Variants in SLC25A13 observed in about 807,000 individuals in gnomAD.
SLC25A13 encodes the protein solute carrier family 25 member 13.
Under a neutral mutation model 85.5 loss-of-function variants are expected in SLC25A13, and 70 were observed. The observed-to-expected ratio is 0.82, with a 90% CI of 0.68 to 1.00. The LOEUF (loss-of-function observed/expected upper bound fraction) is 1.00, where lower values mean the gene tolerates loss of function less well. Among genes scored for constraint, SLC25A13 ranks in the 50% least tolerant of loss-of-function variants. The pLI is 0.00. For synonymous variants in SLC25A13, 259 were observed against 288.7 expected (o/e 0.90, Z 1.04); for missense variants, 765 against 819.8 (o/e 0.93, Z 0.82).
At chr7:96,240,643 C>A (rs958593479) in intron 3 of SLC25A13, among the ~76,000 whole-genome samples, 2 of 151,184 alleles carry the variant, frequency 1.3e-5, no homozygotes, top group African/African-American at 4.9e-5. Context: ...CTTTGGGAGG[C>A]CAAGGCAGAA....
intron 3 of SLC25A13, among the ~76,000 whole-genome samples, chr7:96,274,036 A>T (rs936350314): frequency 1.6e-4 from 25 of 152,204 alleles, no homozygotes; most frequent in Admixed American, 1.6e-3. Context: ...GTTAGGGTAG[A>T]AAACAAAGGT....
intron 1 of SLC25A13, among the ~76,000 whole-genome samples, chr7:96,306,468 C>G (rs1159109843): frequency 2.6e-5 from 4 of 152,258 alleles, no homozygotes; most frequent in African/African-American, 7.2e-5. Context: ...TGTGGCCAGA[C>G]TTCTGACCTC....
intron 3 of SLC25A13, among the ~76,000 whole-genome samples, chr7:96,235,246 A>C (rs552224071): frequency 6.6e-6 from 1 of 152,342 alleles, no homozygotes; most frequent in East Asian, 1.9e-4. Context: ...CAGATACTTT[A>C]GACTAAGATG....
rs1794001446 is a variant in SLC25A13, at chr7:96,171,525, C to A, written c.1178-1G>T. The A allele has an allele frequency of 6.2e-7, 1 of 1,611,626 alleles. No homozygotes were observed. The highest frequency in any genetic ancestry group is 8.5e-7 in the Non-Finnish European group (1 of 1,177,934). Reference sequence around the variant, plus strand: ...ACTCCCAATAACTGTGGCAACAGACCTAAAAATCAACAAAAAGTAGAAGTA... The same window carrying A: ...ACTCCCAATAACTGTGGCAACAGACATAAAAATCAACAAAAAGTAGAAGTA... On this transcript the variant is annotated splice_acceptor_variant, in intron 11 of 17. Transcript: ENST00000265631. LOFTEE classifies it high-confidence loss of function.
chr7:96,170,839 C>T (rs1433129215), intron 12 of SLC25A13, among the ~76,000 whole-genome samples: 1 of 152,254 alleles, frequency 6.6e-6, no homozygotes, highest in South Asian at 2.1e-4. Flanking sequence ...CTTAGTGATG[C>T]AAATATTTGT....
At chr7:96,257,090 C>T (rs1797666278) in intron 3 of SLC25A13, among the ~76,000 whole-genome samples, 1 of 152,150 alleles carries the variant, frequency 6.6e-6, no homozygotes, top group African/African-American at 2.4e-5. Context: ...ATTTATAGCA[C>T]TAAATGCCCA....
Position 96,131,860 on chromosome 7 carries a change from G to A in SLC25A13, c.1474C>T (p.Arg492Trp), listed in dbSNP as rs763272772. Reference protein sequence around the residue: ...IYKGAKACFLRDIPFSAIYFP... With the variant: ...IYKGAKACFLWDIPFSAIYFP... ...TAGATGGCCGAGAAAGGAATGTCCC[G>A]CAGAAAGCATGCTTTGGCACCCTGC... The change falls in exon 15 of 18, where the codon CGG becomes TGG. Residue 492 changes from arginine (R) to tryptophan (W), a missense_variant. Physicochemically the swap from Arg to Trp is moderately radical, Grantham distance 101. Transcript: ENST00000265631. 8.7e-6 allele frequency: 14 copies of A among 1,613,768 alleles called. No homozygotes were observed. Among genetic ancestry groups the A allele is most frequent in the Middle Eastern group, 3.3e-4 (2 of 6,084 alleles).
chr7:96,320,539 G>A (rs899321438), intron 1 of SLC25A13, among the ~76,000 whole-genome samples: 2 of 152,148 alleles, frequency 1.3e-5, no homozygotes, highest in African/African-American at 2.4e-5. Flanking sequence ...AAGGTCAAGG[G>A]CTATTGGGCT....
intron 5 of SLC25A13, among the ~76,000 whole-genome samples, chr7:96,201,996 A>G (rs1795275239): frequency 6.6e-6 from 1 of 152,154 alleles, no homozygotes; most frequent in Admixed American, 6.5e-5. Flanking sequence ...AGACTTCTAG[A>G]GTTCTACTCT....
intron 13 of SLC25A13, among the ~76,000 whole-genome samples, chr7:96,159,519 C>G (rs2116533250): frequency 6.6e-6 from 1 of 152,244 alleles, no homozygotes; most frequent in South Asian, 2.1e-4. Context: ...AGAAGAGAGG[C>G]CTCAGAAGAA....
Position 96,120,676 on chromosome 7 carries a change from A to C in SLC25A13, c.*515T>G, listed in dbSNP as rs1421687555. On this transcript the variant is annotated 3_prime_UTR_variant, in exon 18 of 18. Coordinates refer to ENST00000265631, the MANE Select transcript of SLC25A13 (RefSeq NM_014251.3). ...TTTCACATAAAAGCTTCATAATATA[A>C]TCCAGAGACAGAATTTGTGCATGCT... 2.2e-6 allele frequency: 1 copy of C among 454,548 alleles called. No homozygotes were observed. Among genetic ancestry groups the C allele is most frequent in the South Asian group, 1.6e-5 (1 of 64,446 alleles). 28.2% of individuals were successfully genotyped at this position (454,548 alleles called of 1,614,324 possible).
At chr7:96,182,924 T>G (rs1240010389) in intron 11 of SLC25A13, among the ~76,000 whole-genome samples, 2 of 152,194 alleles carry the variant, frequency 1.3e-5, no homozygotes, top group Admixed American at 1.3e-4. Context: ...GAGATTTCCC[T>G]TCCAAAAACC....
At chr7:96,308,630 T>C (rs1799845542) in intron 1 of SLC25A13, among the ~76,000 whole-genome samples, 1 of 152,208 alleles carries the variant, frequency 6.6e-6, no homozygotes. Flanking sequence ...GGTGGTTTCT[T>C]ATGTAATGTT....
chr7:96,300,449 G>C (rs1799507822), intron 1 of SLC25A13, among the ~76,000 whole-genome samples: 1 of 152,184 alleles, frequency 6.6e-6, no homozygotes. Flanking sequence ...GGGCCACACA[G>C]TTAAAGTGCT....
chr7:96,157,975 G>A (rs1793353633), intron 13 of SLC25A13, among the ~76,000 whole-genome samples: 1 of 152,102 alleles, frequency 6.6e-6, no homozygotes, highest in African/African-American at 2.4e-5. Context: ...TGGACAAGTA[G>A]GTTTAACAGT....
chr7:96,287,454 A>C (rs1028452105), intron 2 of SLC25A13, among the ~76,000 whole-genome samples: 4 of 152,174 alleles, frequency 2.6e-5, no homozygotes, highest in African/African-American at 9.7e-5. Context: ...CTCGGCCTTC[A>C]AGTGCACTTA....
chr7:96,263,039 A>C (rs1445826778), intron 3 of SLC25A13, among the ~76,000 whole-genome samples: 1 of 151,450 alleles, frequency 6.6e-6, no homozygotes, highest in Non-Finnish European at 1.5e-5. Context: ...AAAAAAAAAA[A>C]AAAAAACAGC....
intron 3 of SLC25A13, among the ~76,000 whole-genome samples, chr7:96,250,531 G>C (rs1166675504): frequency 6.6e-6 from 1 of 152,156 alleles, no homozygotes. Flanking sequence ...CCAGTCCCTT[G>C]TAAGGATGCT....
chr7:96,140,247 C>T (rs1474029044), intron 14 of SLC25A13, among the ~76,000 whole-genome samples: 2 of 151,578 alleles, frequency 1.3e-5, no homozygotes, highest in Non-Finnish European at 2.9e-5. Flanking sequence ...CGTGAGCCAC[C>T]GCGCCCGGCC....
Sources: gnomAD v4.1 joint callset for allele counts (sites outside exome capture counted in the v4.1 genomes callset) on GRCh38, gnomAD v4.1.1 for gene constraint, MANE v1.5 for transcripts, NCBI Gene and HGNC (gene_info 2026-07-23, HGNC 2026-07-21) for gene names.